The following L3MBTL4 variants were observed in gnomAD, a reference collection of about 807,000 sequenced individuals.
L3MBTL4 encodes the protein L3MBTL histone methyl-lysine binding protein 4, also known as lethal(3)malignant brain tumor-like protein 4.
In L3MBTL4, 70 loss-of-function variants were observed where a neutral mutation model predicts 84.5. That is an observed-to-expected ratio of 0.83 (90% CI 0.68 to 1.01). L3MBTL4 has a LOEUF of 1.01. L3MBTL4 is among the 50% of genes least tolerant of loss of function. The pLI is 0.00. For missense variants in L3MBTL4, 715 were observed against 754.8 expected (o/e 0.95, Z 0.62); for synonymous variants, 274 against 259.8 (o/e 1.05, Z -0.52).
At chr18:6,231,691 C>G (rs2047005906) in intron 10 of L3MBTL4, among the ~76,000 whole-genome samples, 1 of 152,000 alleles carries the variant, frequency 6.6e-6, no homozygotes, top group Non-Finnish European at 1.5e-5. Flanking sequence ...TTCTTAATTT[C>G]CCTTTCTGAT....
At chr18:6,041,375 T>A (rs2145715775) in intron 16 of L3MBTL4, among the ~76,000 whole-genome samples, 1 of 152,112 alleles carries the variant, frequency 6.6e-6, no homozygotes, top group Non-Finnish European at 1.5e-5. Flanking sequence ...CCCATTGGGG[T>A]CTTCAATGGA....
At chr18:5,968,021 AG>A (rs1036610725) in intron 17 of L3MBTL4, among the ~76,000 whole-genome samples, 43 of 152,230 alleles carry the variant, frequency 2.8e-4, no homozygotes, top group African/African-American at 9.2e-4. Flanking sequence ...CCATGATGCC[AG>A]GGGGCCATGA....
At chr18:6,004,727 C>T (rs917107029) in intron 16 of L3MBTL4, among the ~76,000 whole-genome samples, 2 of 152,116 alleles carry the variant, frequency 1.3e-5, no homozygotes, top group African/African-American at 2.4e-5. Context: ...ACCTTGAAGA[C>T]ATGACATTAA....
chr18:6,390,605 A>C (rs1334602805), intron 1 of L3MBTL4, among the ~76,000 whole-genome samples: 1 of 152,206 alleles, frequency 6.6e-6, no homozygotes, highest in Admixed American at 6.5e-5. Flanking sequence ...AAAAGAAGAG[A>C]CAACATTCAA....
At chr18:6,155,973 A>G (rs1274932532) in intron 13 of L3MBTL4, among the ~76,000 whole-genome samples, 1 of 152,214 alleles carries the variant, frequency 6.6e-6, no homozygotes, top group Non-Finnish European at 1.5e-5. Flanking sequence ...TGTTTCTAAT[A>G]CCATGAAAGA....
At chr18:6,039,365 T>C (rs2056299343) in intron 16 of L3MBTL4, among the ~76,000 whole-genome samples, 1 of 152,174 alleles carries the variant, frequency 6.6e-6, no homozygotes, top group Non-Finnish European at 1.5e-5. Context: ...TCCACCCACA[T>C]TTTAATGCTA....
chr18:6,167,185 ATAGCT>A (rs917146475), intron 13 of L3MBTL4, among the ~76,000 whole-genome samples: 75 of 152,344 alleles, frequency 4.9e-4, no homozygotes, highest in Admixed American at 2.2e-3. Flanking sequence ...GCAATAATTA[ATAGCT>A]TACCAACCAA....
At chr18:6,093,190 A>G (rs976210548) in intron 15 of L3MBTL4, among the ~76,000 whole-genome samples, 165 bp downstream of exon 15, 2 of 152,244 alleles carry the variant, frequency 1.3e-5, no homozygotes, top group Non-Finnish European at 2.9e-5. Context: ...TTAAATGAAG[A>G]TCAAGGCTTA....
chr18:6,124,961 A>G (rs1300540245), intron 14 of L3MBTL4, among the ~76,000 whole-genome samples: 2 of 132,686 alleles, frequency 1.5e-5, no homozygotes, highest in African/African-American at 2.6e-5. Flanking sequence ...CTGAATTAGG[A>G]AAAGAAAAGA....
At chr18:6,058,888 A>C (rs1357087829) in intron 16 of L3MBTL4, among the ~76,000 whole-genome samples, 1 of 152,234 alleles carries the variant, frequency 6.6e-6, no homozygotes, top group Non-Finnish European at 1.5e-5. Context: ...CCTGGAATCC[A>C]AGAATCTTAG....
intron 16 of L3MBTL4, among the ~76,000 whole-genome samples, chr18:6,048,871 ACAAG>A (rs920886169): frequency 2.9e-4 from 44 of 152,192 alleles, no homozygotes; most frequent in African/African-American, 1.1e-3. Context: ...GTCAACAGAA[ACAAG>A]CAATGGGGAA....
chr18:6,069,489 C>T (rs2057509356), intron 16 of L3MBTL4, among the ~76,000 whole-genome samples: 1 of 151,620 alleles, frequency 6.6e-6, no homozygotes, highest in African/African-American at 2.4e-5. Context: ...AAGTTTATGT[C>T]CTTTGTGTTA....
At chr18:6,340,668 C>G (rs927189862) in intron 1 of L3MBTL4, among the ~76,000 whole-genome samples, 1 of 152,136 alleles carries the variant, frequency 6.6e-6, no homozygotes, top group Non-Finnish European at 1.5e-5. Context: ...CACCAAGAGA[C>G]TCACTGACAA....
chr18:5,974,351 G>C (rs2052794086), intron 16 of L3MBTL4, among the ~76,000 whole-genome samples: 2 of 152,184 alleles, frequency 1.3e-5, no homozygotes, highest in Admixed American at 1.3e-4. Context: ...CTTGGCCATG[G>C]ATCTTGAGTC....
chr18:6,024,083 G>T (rs137932000), intron 16 of L3MBTL4, among the ~76,000 whole-genome samples: 1 of 151,990 alleles, frequency 6.6e-6, no homozygotes, highest in East Asian at 1.9e-4. Context: ...CACCATGTTG[G>T]CCAGGCTGGT....
Position 6,030,409 on chromosome 18 carries a change from C to T in L3MBTL4, c.1444+50472G>A, listed in dbSNP as rs77296714. ...AAATGAAAGAAAGCAGGAACACAAA[C>T]ATATATACATCTTCTGACTTTATCA... is the stretch of plus-strand genomic sequence containing the variant. On this transcript the variant is annotated intron_variant, in intron 16 of 18. Coordinates refer to ENST00000317931, the MANE Select transcript of L3MBTL4 (RefSeq NM_001330559.2). The T allele has an allele frequency of 7.8e-3, 7,651 of 985,034 alleles. 463 individuals carry two copies. In the African/African-American group the frequency reaches 0.12, roughly 16 times the overall value. 61.0% of individuals were successfully genotyped at this position (985,034 alleles called of 1,614,324 possible). A position where few individuals can be genotyped will look rare whatever the true frequency, so the allele number is the denominator to read the frequency against.
chr18:6,391,107 T>G (rs2055031368), intron 1 of L3MBTL4, among the ~76,000 whole-genome samples: 1 of 152,082 alleles, frequency 6.6e-6, no homozygotes. Flanking sequence ...GCTAATTGAA[T>G]CCAACAGCAC....
chr18:6,232,309 T>C (rs887705631), intron 10 of L3MBTL4, among the ~76,000 whole-genome samples: 1 of 151,890 alleles, frequency 6.6e-6, no homozygotes, highest in African/African-American at 2.4e-5. Context: ...TTGAGGATTT[T>C]TGCATCAGTG....
intron 12 of L3MBTL4, among the ~76,000 whole-genome samples, chr18:6,181,918 G>A (rs2044491062): frequency 6.6e-6 from 1 of 152,042 alleles, no homozygotes; most frequent in East Asian, 1.9e-4. Context: ...CCACTGTTAG[G>A]CATTTGGGTT....
Sources: gnomAD v4.1 joint callset for allele counts (sites outside exome capture counted in the v4.1 genomes callset) on GRCh38, gnomAD v4.1.1 for gene constraint, MANE v1.5 for transcripts, NCBI Gene and HGNC (gene_info 2026-07-23, HGNC 2026-07-21) for gene names.